Variants in GPT2 observed in about 807,000 individuals in gnomAD.
GPT2 encodes the protein alanine aminotransferase 2.
A neutral mutation model predicts 56.9 loss-of-function variants in GPT2; 30 were observed. The ratio of observed to expected loss-of-function variants is 0.53; its 90% CI spans 0.39 to 0.72. GPT2 has a LOEUF of 0.72. GPT2 is among the 30% of genes least tolerant of loss of function. The pLI, the probability that GPT2 is intolerant of heterozygous loss-of-function variation, is 0.00. For missense variants in GPT2, 542 were observed against 703.4 expected, an observed-to-expected ratio of 0.77 and a Z score of 2.60; for synonymous variants, 271 against 283.1, an observed-to-expected ratio of 0.96 and a Z score of 0.43.
chr16:46,918,543 C>T, intron 7 of GPT2, 78 bp from the exon 8 acceptor site: 1 of 1,526,330 alleles, frequency 6.6e-7, no homozygotes, highest in Non-Finnish European at 9.0e-7. Context: ...AGCACCTGTG[C>T]CCTCCCTTGC....
chr16:46,895,628 G>C (rs989223316), intron 2 of GPT2, among the ~76,000 whole-genome samples: 2 of 152,160 alleles, frequency 1.3e-5, no homozygotes, highest in Admixed American at 1.3e-4. Context: ...GCTCAAGTGT[G>C]ATACTCCCAC....
In GPT2 at chr16:46,909,742, C is replaced by A; in HGVS notation, c.635C>A (p.Pro212His). ...GGKSRTGVMI[P>H]IPQYPLYSAV... is the part of the protein sequence containing the mutation. The stretch of plus-strand genomic sequence containing the variant: ...AAGTCACGGACAGGTGTGATGATCC[C>A]CATCCCACAATATCCCCTCTATTCA... Residue 212 changes from proline to histidine, a missense_variant, in exon 6 of 12, where the codon CCC (proline) becomes CAC (histidine). By Grantham distance (77) the Pro-to-His change is moderately conservative. Coordinates refer to ENST00000340124, the MANE Select transcript of GPT2 (RefSeq NM_133443.4). The A allele has an allele frequency of 1.2e-6, 2 of 1,613,918 alleles. No individual in the cohort carries two copies. Among genetic ancestry groups the A allele is most frequent in the Non-Finnish European group, 1.7e-6 (2 of 1,179,822 alleles).
chr16:46,927,644 T>G (rs758369461), intron 11 of GPT2, among the ~76,000 whole-genome samples: 13 of 152,184 alleles, frequency 8.5e-5, no homozygotes, highest in Non-Finnish European at 1.8e-4. Flanking sequence ...AGAGGTCTCC[T>G]GCGGCAGATG....
At position 46,929,226 on chromosome 16, in the gene GPT2, GCAGGTGTGAC is replaced by G; in HGVS notation, c.*234_*243del. The G allele has an allele frequency of 1.9e-6, 1 of 536,570 alleles. No homozygotes were observed. Among genetic ancestry groups the G allele is most frequent in the Non-Finnish European group, 3.4e-6 (1 of 297,372 alleles). 33.2% of individuals were successfully genotyped at this position (536,570 alleles called of 1,614,324 possible). ...AACCAGAGTAGAGGGGACCTGCTCAGCAGGTGTGACCAGGGTTCTCTGAATCTGTTATTGT... is the reference window on the plus strand; with the variant it reads ...AACCAGAGTAGAGGGGACCTGCTCAGCAGGGTTCTCTGAATCTGTTATTGT... On this transcript the variant is annotated 3_prime_UTR_variant, in exon 12 of 12. Coordinates refer to ENST00000340124, the MANE Select transcript of GPT2 (RefSeq NM_133443.4).
chr16:46,901,708 C>T (rs1283023505), intron 4 of GPT2, among the ~76,000 whole-genome samples: 2 of 152,068 alleles, frequency 1.3e-5, no homozygotes, highest in Non-Finnish European at 2.9e-5. Context: ...TCTCCCGCCA[C>T]CCCCGCCAAC....
chr16:46,926,174 C>T (rs1314371920), intron 10 of GPT2, among the ~76,000 whole-genome samples: 2 of 148,372 alleles, frequency 1.3e-5, no homozygotes, highest in South Asian at 2.1e-4. Context: ...GTAGTCCGAG[C>T]GCGGTGGCTC....
intron 3 of GPT2, 141 bp downstream of exon 3, chr16:46,897,878 C>T (rs1960715057): frequency 1.5e-6 from 1 of 685,240 alleles, no homozygotes; most frequent in Admixed American, 3.0e-5. Context: ...AGCCTCCTTC[C>T]TGCCTTTCTG....
chr16:46,896,992 G>C (rs1960696439), intron 2 of GPT2, among the ~76,000 whole-genome samples: 1 of 152,200 alleles, frequency 6.6e-6, no homozygotes, highest in Non-Finnish European at 1.5e-5. Context: ...AGCCCAGAAG[G>C]TCGGGGATGC....
At chr16:46,890,862 C>A (rs1271462584) in intron 2 of GPT2, among the ~76,000 whole-genome samples, 1 of 152,050 alleles carries the variant, frequency 6.6e-6, no homozygotes, top group Non-Finnish European at 1.5e-5. Context: ...TTTGTTTTGG[C>A]TTTTTTTGTT....
intron 4 of GPT2, among the ~76,000 whole-genome samples, chr16:46,906,178 A>G (rs1024605963): frequency 4.6e-5 from 7 of 152,116 alleles, no homozygotes; most frequent in Admixed American, 2.0e-4. Context: ...AGCTCAAGCA[A>G]TCCTCCCAGC....
Position 46,900,775 on chromosome 16 carries a change from G to A in GPT2, c.427G>A (p.Gly143Ser). 6.2e-7 allele frequency: 1 copy of A among 1,614,014 alleles called. No individual in the cohort carries two copies. Among genetic ancestry groups the A allele is most frequent in the Non-Finnish European group, 8.5e-7 (1 of 1,179,888 alleles). ...TGCCCGGCGGATCCTGCAGGCTTGT[G>A]GCGGGAACAGCCTGGGTGAGGCCCC... ...KRARRILQAC[G>S]GNSLGSYSAS... Residue 143 changes from glycine (G) to serine (S), a missense_variant, in exon 4 of 12, where the codon GGC becomes AGC. Transcript: ENST00000340124.
Position 46,929,045 on chromosome 16 carries a change from A to T in GPT2, c.*48A>T. 1 of 1,467,210 alleles carries T rather than the reference A, an allele frequency of 6.8e-7. No individual in the cohort carries two copies. Among genetic ancestry groups the T allele is most frequent in the South Asian group, 1.1e-5 (1 of 87,796 alleles). 90.9% of individuals were successfully genotyped at this position (1,467,210 alleles called of 1,614,324 possible). A position where few individuals can be genotyped will look rare whatever the true frequency, so the allele number is the denominator to read the frequency against. ...GACCTGTCCTTGGCTCTTCCTCCCA[A>T]TGCCCGTCAGGCTGAACTCGCCTCC... On this transcript the variant is annotated 3_prime_UTR_variant, in exon 12 of 12. Coordinates refer to ENST00000340124, the MANE Select transcript of GPT2 (RefSeq NM_133443.4).
At chr16:46,900,595 C>A in intron 3 of GPT2, 87 bp from the exon 4 acceptor site, 1 of 978,908 alleles carries the variant, frequency 1.0e-6, no homozygotes, top group Non-Finnish European at 1.6e-6. Flanking sequence ...TCCCTGGGAG[C>A]TGTCATCCTC....
chr16:46,914,159 C>T (rs957067281), intron 6 of GPT2, among the ~76,000 whole-genome samples: 13 of 152,192 alleles, frequency 8.5e-5, no homozygotes, highest in South Asian at 2.1e-4. Flanking sequence ...ATTTCTACCT[C>T]GTTGCGTTTA....
chr16:46,884,633 G>C (rs1960444311), intron 1 of GPT2, 61 bp from the exon 2 acceptor site: 14 of 1,316,312 alleles, frequency 1.1e-5, no homozygotes, highest in Non-Finnish European at 1.4e-5. Flanking sequence ...GCTTGTGTGG[G>C]GGAGTGCTGC....
At chr16:46,903,683 C>T (rs1960864415) in intron 4 of GPT2, among the ~76,000 whole-genome samples, 1 of 152,118 alleles carries the variant, frequency 6.6e-6, no homozygotes, top group South Asian at 2.1e-4. Flanking sequence ...GAGGTAAAAC[C>T]TAGCACCTGC....
chr16:46,913,067 T>C (rs1961074501), intron 6 of GPT2, among the ~76,000 whole-genome samples: 2 of 152,244 alleles, frequency 1.3e-5, no homozygotes, highest in Non-Finnish European at 2.9e-5. Context: ...GCTTCTCTAA[T>C]GCCATTTATG....
intron 2 of GPT2, among the ~76,000 whole-genome samples, chr16:46,894,472 G>A (rs1361650331): frequency 1.3e-5 from 2 of 152,188 alleles, no homozygotes; most frequent in African/African-American, 4.8e-5. Flanking sequence ...GCAGTGGATC[G>A]GGCCCGTCCC....
intron 6 of GPT2, among the ~76,000 whole-genome samples, chr16:46,914,830 C>T (rs746936918): frequency 1.3e-5 from 2 of 152,150 alleles, no homozygotes; most frequent in Non-Finnish European, 2.9e-5. Context: ...ACAGCCAATG[C>T]GAGTCTCTTC....
Sources: allele counts gnomAD v4.1 joint callset (sites outside exome capture counted in the v4.1 genomes callset), GRCh38; gene constraint gnomAD v4.1.1; transcripts MANE v1.5; gene names NCBI Gene and HGNC (gene_info 2026-07-23, HGNC 2026-07-21).